Variants in SPIDR observed in about 807,000 individuals in gnomAD.
SPIDR encodes DNA repair-scaffolding protein.
SPIDR carries 93 observed loss-of-function variants against 104.6 expected under a neutral mutation model. The ratio of observed to expected loss-of-function variants is 0.89; its 90% CI spans 0.75 to 1.06. SPIDR has a LOEUF of 1.06. Among genes scored for constraint, SPIDR ranks in the 50% least tolerant of loss-of-function variants. The pLI is 0.00. For synonymous variants in SPIDR, 431 were observed against 416.9 expected, an observed-to-expected ratio of 1.03 and a Z score of -0.41; for missense variants, 1,154 against 1,111.2, an observed-to-expected ratio of 1.04 and a Z score of -0.55.
At position 47,279,932 on chromosome 8, in the gene SPIDR, G is replaced by C; in HGVS notation, c.104G>C (p.Gly35Ala). ...AGACCACTGCAGGTCAGAAGAGCAG[G>C]TCTCAGGACAGCAGGGGCAGCTGCC... is the stretch of plus-strand genomic sequence containing the variant. ...GERPLQVRRA[G>A]LRTAGAAASL... Residue 35 changes from glycine to alanine, a missense_variant, in exon 2 of 20, where the codon GGT (glycine) becomes GCT (alanine). Coordinates refer to ENST00000297423, the MANE Select transcript of SPIDR (RefSeq NM_001080394.4). 1 of 1,614,136 alleles carries C rather than the reference G, an allele frequency of 6.2e-7. No homozygotes were observed. The highest frequency in any genetic ancestry group is 8.5e-7 in the Non-Finnish European group (1 of 1,180,002).
intron 8 of SPIDR, among the ~76,000 whole-genome samples, chr8:47,576,743 A>AT (rs1182386717): frequency 6.6e-6 from 1 of 152,202 alleles, no homozygotes; most frequent in Non-Finnish European, 1.5e-5. Flanking sequence ...CATAAATATC[A>AT]TTTTTATAAA....
At chr8:47,500,943 T>A (rs1346371304) in intron 8 of SPIDR, among the ~76,000 whole-genome samples, 1 of 152,110 alleles carries the variant, frequency 6.6e-6, no homozygotes, top group East Asian at 1.9e-4. Context: ...GTCAAAGATC[T>A]GATGGTTGTA....
intron 7 of SPIDR, 93 bp downstream of exon 7, chr8:47,408,054 A>T: frequency 1.6e-6 from 1 of 640,878 alleles, no homozygotes; most frequent in Non-Finnish European, 2.5e-6. Flanking sequence ...AATTGTTAAT[A>T]TTTTCATGAC....
intron 10 of SPIDR, among the ~76,000 whole-genome samples, chr8:47,646,164 G>A (rs2154449412): frequency 6.6e-6 from 1 of 152,242 alleles, no homozygotes; most frequent in South Asian, 2.1e-4. Context: ...TTCATAAAAG[G>A]AAAAGATGCT....
intron 10 of SPIDR, among the ~76,000 whole-genome samples, chr8:47,664,969 TAA>T (rs1312862388): frequency 6.6e-6 from 1 of 151,746 alleles, no homozygotes; most frequent in African/African-American, 2.4e-5. Context: ...GAGAACCTCA[TAA>T]AAATGTTGGA....
chr8:47,404,084 G>GT (rs1554665618), intron 6 of SPIDR, among the ~76,000 whole-genome samples: 1 of 152,066 alleles, frequency 6.6e-6, no homozygotes, highest in East Asian at 1.9e-4. Flanking sequence ...AAACCTGACA[G>GT]AAAGAAGAAA....
chr8:47,507,311 A>G (rs773930934), intron 8 of SPIDR, among the ~76,000 whole-genome samples: 58 of 152,322 alleles, frequency 3.8e-4, no homozygotes, highest in Middle Eastern at 6.8e-3. Context: ...GGTTTAGCTC[A>G]GTAGTTGCTG....
At chr8:47,428,437 A>C (rs1433287030) in intron 7 of SPIDR, among the ~76,000 whole-genome samples, 1 of 152,246 alleles carries the variant, frequency 6.6e-6, no homozygotes, top group Non-Finnish European at 1.5e-5. Flanking sequence ...TTAATTAAAA[A>C]ATAAGTGTTA....
At chr8:47,586,832 GACCTCAGCTCACTGCA>G (rs1180526416) in intron 8 of SPIDR, among the ~76,000 whole-genome samples, 1 of 152,290 alleles carries the variant, frequency 6.6e-6, no homozygotes, top group East Asian at 1.9e-4. Flanking sequence ...GCAGTGGCAA[GACCTCAGCTCACTGCA>G]ACCTCCGCCT....
At chr8:47,334,296 G>A (rs2049298049) in intron 5 of SPIDR, among the ~76,000 whole-genome samples, 2 of 152,152 alleles carry the variant, frequency 1.3e-5, no homozygotes, top group African/African-American at 4.8e-5. Context: ...TTGATAGGTG[G>A]TGTTATTGTG....
intron 5 of SPIDR, among the ~76,000 whole-genome samples, chr8:47,392,874 A>G (rs552868764): frequency 2.0e-5 from 3 of 152,180 alleles, no homozygotes; most frequent in Non-Finnish European, 4.4e-5. Context: ...CATTCTTACC[A>G]AGGTCCCATG....
intron 8 of SPIDR, among the ~76,000 whole-genome samples, chr8:47,492,916 A>G (rs1367501100): frequency 6.6e-6 from 1 of 152,150 alleles, no homozygotes; most frequent in Non-Finnish European, 1.5e-5. Flanking sequence ...TGCCTGGAGT[A>G]TCTTGACTGT....
At chr8:47,423,008 T>C (rs1222371454) in intron 7 of SPIDR, among the ~76,000 whole-genome samples, 1 of 152,074 alleles carries the variant, frequency 6.6e-6, no homozygotes, top group Non-Finnish European at 1.5e-5. Context: ...AGTTTGACTT[T>C]AAAAGAACAG....
intron 16 of SPIDR, among the ~76,000 whole-genome samples, chr8:47,718,926 C>T (rs2082971930): frequency 6.6e-6 from 1 of 152,070 alleles, no homozygotes; most frequent in South Asian, 2.1e-4. Flanking sequence ...CTCTCCCTTC[C>T]CCTACGCAGG....
intron 11 of SPIDR, among the ~76,000 whole-genome samples, chr8:47,686,271 C>T (rs2077810173): frequency 1.3e-5 from 2 of 152,148 alleles, no homozygotes; most frequent in Non-Finnish European, 2.9e-5. Context: ...CATGGGGACA[C>T]TGGGTAGCAG....
intron 8 of SPIDR, among the ~76,000 whole-genome samples, chr8:47,567,942 A>T (rs2058087868): frequency 6.7e-6 from 1 of 150,190 alleles, no homozygotes; most frequent in Admixed American, 6.6e-5. Flanking sequence ...GTGCCACCAC[A>T]CCTAGAAATG....
chr8:47,669,186 A>G (rs1278523688), intron 10 of SPIDR, among the ~76,000 whole-genome samples: 1 of 152,238 alleles, frequency 6.6e-6, no homozygotes, highest in Non-Finnish European at 1.5e-5. Flanking sequence ...ATTTATGGTA[A>G]ATACCTGGCA....
At chr8:47,729,286 G>C (rs1257836500) in intron 18 of SPIDR, 126 bp from the exon 19 acceptor site, 36 of 1,452,160 alleles carry the variant, frequency 2.5e-5, no homozygotes, top group Non-Finnish European at 3.1e-5. Flanking sequence ...ACCTAAGGCC[G>C]TGAGACTGAA....
chr8:47,534,195 G>A (rs1263938794), intron 8 of SPIDR, among the ~76,000 whole-genome samples: 1 of 152,232 alleles, frequency 6.6e-6, no homozygotes, highest in African/African-American at 2.4e-5. Context: ...ATGCAGAACT[G>A]TGAGTCGATT....
Sources: gnomAD v4.1 joint callset for allele counts (sites outside exome capture counted in the v4.1 genomes callset) on GRCh38, gnomAD v4.1.1 for gene constraint, MANE v1.5 for transcripts, NCBI Gene and HGNC (gene_info 2026-07-23, HGNC 2026-07-21) for gene names.